Variants in NRG3 observed in about 807,000 individuals in gnomAD.
The protein encoded by NRG3 is neuregulin 3.
NRG3 carries 31 observed loss-of-function variants against 66.9 expected under a neutral mutation model. The observed-to-expected ratio is 0.46, with a 90% CI of 0.35 to 0.63. The LOEUF is 0.63. NRG3 is among the 20% of genes least tolerant of loss of function. NRG3 has a pLI of 0.00. For synonymous variants in NRG3, 393 were observed against 359.4 expected (o/e 1.09, Z -1.06); for missense variants, 910 against 878.9 (o/e 1.04, Z -0.45).
chr10:82,565,235 A>G (rs2045324358), intron 2 of NRG3, among the ~76,000 whole-genome samples: 2 of 152,066 alleles, frequency 1.3e-5, no homozygotes, highest in South Asian at 2.1e-4. Context: ...TACTACAGAG[A>G]ATCATTGTTT....
Position 82,420,806 on chromosome 10 carries a change from A to G in NRG3, c.953+61938A>G, listed in dbSNP as rs561240895. On this transcript the variant is annotated intron_variant, in intron 2 of 8. Transcript: ENST00000372141. ...GGAGAATGGACAAAAACTATGGTAT[A>G]TGCATAAAATGGACAATAAAAAGGG... 2.6e-3 allele frequency among the ~76,000 whole-genome samples: 395 copies of G among 152,304 alleles called. 1 individual carries two copies. The highest frequency in any genetic ancestry group is 4.2e-3 in the Non-Finnish European group (284 of 68,004).
intron 1 of NRG3, among the ~76,000 whole-genome samples, chr10:82,314,457 A>C (rs560283211): frequency 6.6e-6 from 1 of 152,092 alleles, no homozygotes; most frequent in East Asian, 1.9e-4. Flanking sequence ...ATTAATTTAA[A>C]ATTTAAAAAA....
In NRG3 at chr10:82,985,481, A is replaced by T. The variant is rs201062015; in HGVS notation, c.1967A>T (p.Glu656Val). 1.2e-6 allele frequency: 2 copies of T among 1,614,110 alleles called. No individual in the cohort carries two copies. The highest frequency in any genetic ancestry group is 8.5e-7 in the Non-Finnish European group (1 of 1,180,010). Residue 656 changes from glutamate to valine, a missense_variant, in exon 9 of 9, where the codon GAA (glutamate) becomes GTA (valine). Glu to Val is a moderately radical substitution (Grantham distance 121). Coordinates refer to ENST00000372141, the MANE Select transcript of NRG3 (RefSeq NM_001010848.4). The part of the protein sequence containing the change: ...RSEDYELASV[E>V]TEDSASENTA... ...GAAGACTACGAACTGGCCAGCGTAG[A>T]AACCGAGGACAGTGCAAGCGAAAAC...
intron 7 of NRG3, among the ~76,000 whole-genome samples, 198 bp downstream of exon 7, chr10:82,974,113 T>G (rs6585084): frequency 6.6e-6 from 1 of 152,018 alleles, no homozygotes; most frequent in Non-Finnish European, 1.5e-5. Context: ...CAGCATTGCC[T>G]CTGTAAGAAA....
At chr10:82,097,587 C>T (rs2066438420) in intron 1 of NRG3, among the ~76,000 whole-genome samples, 1 of 151,322 alleles carries the variant, frequency 6.6e-6, no homozygotes, top group Admixed American at 6.6e-5. Flanking sequence ...TAGCATATGG[C>T]TTTTGGGTGA....
At chr10:82,910,496 A>T (rs1297356648) in intron 4 of NRG3, among the ~76,000 whole-genome samples, 2 of 152,230 alleles carry the variant, frequency 1.3e-5, no homozygotes, top group Non-Finnish European at 2.9e-5. Flanking sequence ...CTAAGTTCTT[A>T]CTTGTCTATT....
intron 1 of NRG3, among the ~76,000 whole-genome samples, chr10:82,187,649 TG>T (rs2073886994): frequency 6.6e-6 from 1 of 152,124 alleles, no homozygotes; most frequent in South Asian, 2.1e-4. Flanking sequence ...TTTGCTCCTT[TG>T]TTGATTTTCT....
intron 4 of NRG3, among the ~76,000 whole-genome samples, chr10:82,874,777 G>GTC (rs1564591198): frequency 6.6e-6 from 1 of 152,198 alleles, no homozygotes; most frequent in Non-Finnish European, 1.5e-5. Context: ...ATTCAAATCT[G>GTC]TCTTTCTCCA....
chr10:82,558,868 C>T (rs2044834811), intron 2 of NRG3, among the ~76,000 whole-genome samples: 1 of 152,000 alleles, frequency 6.6e-6, no homozygotes, highest in South Asian at 2.1e-4. Flanking sequence ...TATAGTCTTC[C>T]ATGTTTTTGT....
intron 2 of NRG3, among the ~76,000 whole-genome samples, chr10:82,695,818 G>T (rs1439180406): frequency 6.6e-6 from 1 of 151,916 alleles, no homozygotes; most frequent in Non-Finnish European, 1.5e-5. Context: ...TTTATCTAGG[G>T]AATGACAACC....
chr10:82,895,447 C>G (rs1268033909), intron 4 of NRG3, among the ~76,000 whole-genome samples: 1 of 149,060 alleles, frequency 6.7e-6, no homozygotes, highest in Non-Finnish European at 1.5e-5. Flanking sequence ...TTAAGATTAT[C>G]TGAGAAAAAA....
chr10:82,588,719 T>G (rs2046817324), intron 2 of NRG3, among the ~76,000 whole-genome samples: 1 of 152,120 alleles, frequency 6.6e-6, no homozygotes, highest in African/African-American at 2.4e-5. Context: ...GCCAGGATGG[T>G]CTTGATCTCC....
intron 1 of NRG3, among the ~76,000 whole-genome samples, chr10:82,118,137 C>T (rs553580530): frequency 6.0e-5 from 9 of 151,202 alleles, no homozygotes; most frequent in Non-Finnish European, 1.3e-4. Flanking sequence ...TGTCTACCCT[C>T]TGGTAGCTGG....
intron 1 of NRG3, chr10:82,232,587 CAGACTT>C: frequency 1.7e-6 from 1 of 588,666 alleles, no homozygotes; most frequent in Non-Finnish European, 3.1e-6. Flanking sequence ...GTTACTAATA[CAGACTT>C]TCATTGTTTT....
intron 2 of NRG3, among the ~76,000 whole-genome samples, chr10:82,466,488 A>G (rs549503983): frequency 1.3e-5 from 2 of 152,256 alleles, no homozygotes; most frequent in South Asian, 4.1e-4. Flanking sequence ...GCTTAATGAA[A>G]CAGAATTATT....
chr10:82,720,506 T>C (rs1350585331), intron 2 of NRG3, among the ~76,000 whole-genome samples: 4 of 152,186 alleles, frequency 2.6e-5, no homozygotes, highest in Non-Finnish European at 5.9e-5. Flanking sequence ...GTTGGTTTAA[T>C]GTTGAAATCA....
chr10:82,347,362 T>A (rs559062459), intron 1 of NRG3, among the ~76,000 whole-genome samples: 2 of 152,250 alleles, frequency 1.3e-5, no homozygotes, highest in South Asian at 4.2e-4. Context: ...TCAGTTTCCA[T>A]GAAGTTGAGT....
chr10:82,695,827 C>T (rs1431721604), intron 2 of NRG3, among the ~76,000 whole-genome samples: 2 of 152,054 alleles, frequency 1.3e-5, no homozygotes, highest in African/African-American at 4.8e-5. Flanking sequence ...GGAATGACAA[C>T]CTCACTTATG....
At position 82,023,104 on chromosome 10, in the gene NRG3, GT is replaced by G. The variant is rs999049715; in HGVS notation, c.823+146951del. Among the ~76,000 whole-genome samples the G allele has an allele frequency of 4.1e-4, 60 of 147,702 alleles. No individual in the cohort carries two copies. The Middle Eastern group carries it at 0.01, about 26-fold the overall frequency. On this transcript the variant is annotated intron_variant, in intron 1 of 8. Transcript: ENST00000372141. Reference sequence around the variant, plus strand: ...AAATATAGGTTAAATTTATTCATAAGTTTTTTTTTTGTTATCCCTTATAAAT... The same window carrying G: ...AAATATAGGTTAAATTTATTCATAAGTTTTTTTTTGTTATCCCTTATAAAT...
Sources: allele counts gnomAD v4.1 joint callset (sites outside exome capture counted in the v4.1 genomes callset), GRCh38; gene constraint gnomAD v4.1.1; transcripts MANE v1.5; gene names NCBI Gene and HGNC (gene_info 2026-07-23, HGNC 2026-07-21).